FMN1: variants seen among roughly 807,000 people sequenced by gnomAD.
FMN1 encodes the protein formin 1.
In FMN1, 110 loss-of-function variants were observed where a neutral mutation model predicts 132.4. The ratio of observed to expected loss-of-function variants is 0.83; its 90% confidence interval spans 0.71 to 0.97. The LOEUF (loss-of-function observed/expected upper bound fraction) is 0.97. FMN1 is among the 50% of genes least tolerant of loss of function. The pLI is 0.00. For synonymous variants in FMN1, 722 were observed against 651.7 expected (o/e 1.11, Z -1.64); for missense variants, 1,792 against 1,705.3 (o/e 1.05, Z -0.90).
intron 16 of FMN1, among the ~76,000 whole-genome samples, chr15:32,878,325 G>A (rs1481928372): frequency 6.6e-6 from 1 of 152,214 alleles, no homozygotes; most frequent in African/African-American, 2.4e-5. Context: ...TGAGTATGAG[G>A]TTGGATTTGA....
chr15:32,816,253 A>G (rs2058055984), intron 17 of FMN1, among the ~76,000 whole-genome samples: 1 of 152,084 alleles, frequency 6.6e-6, no homozygotes, highest in Admixed American at 6.6e-5. Flanking sequence ...ATACCACAAA[A>G]CGTGCTTGCA....
At chr15:33,022,462 A>G (rs2035461033) in intron 6 of FMN1, among the ~76,000 whole-genome samples, 2 of 152,214 alleles carry the variant, frequency 1.3e-5, no homozygotes, top group African/African-American at 2.4e-5. Flanking sequence ...ATCAGAACAA[A>G]TAAGAGGAAC....
chr15:32,861,334 C>A (rs188807970), intron 16 of FMN1, among the ~76,000 whole-genome samples: 7 of 152,192 alleles, frequency 4.6e-5, no homozygotes, highest in African/African-American at 1.7e-4. Context: ...CAGGGTTGAT[C>A]GCTGCAGCTC....
intron 4 of FMN1, 132 bp downstream of exon 4, chr15:33,152,916 G>A: frequency 1.1e-6 from 1 of 891,390 alleles, no homozygotes; most frequent in Non-Finnish European, 1.6e-6. Flanking sequence ...CCGTTTTCTT[G>A]CTACAAAGTG....
At chr15:32,932,361 A>C (rs966883023) in intron 9 of FMN1, among the ~76,000 whole-genome samples, 1 of 152,210 alleles carries the variant, frequency 6.6e-6, no homozygotes, top group African/African-American at 2.4e-5. Context: ...ATATTGTGCC[A>C]CTGCACTCCA....
At position 33,036,023 on chromosome 15, in the gene FMN1, C is replaced by T. The variant is rs182338898; in HGVS notation, c.2162-27948G>A. Among the ~76,000 whole-genome samples, 3 of 152,298 alleles carry T rather than the reference C, an allele frequency of 2.0e-5. No homozygotes were observed. The East Asian group carries it at 5.8e-4, about 29-fold the overall frequency. The stretch of plus-strand genomic sequence containing the variant: ...CACCATACCCCACACCACCTCGGGA[C>T]TCCTCAGCAAGAAGGCTCTTACCAG... On this transcript the variant is annotated intron_variant, in intron 6 of 20. Coordinates refer to ENST00000616417, the MANE Select transcript of FMN1 (RefSeq NM_001277313.2).
At chr15:33,099,611 A>G (rs2039217594) in intron 4 of FMN1, among the ~76,000 whole-genome samples, 1 of 152,194 alleles carries the variant, frequency 6.6e-6, no homozygotes, top group South Asian at 2.1e-4. Context: ...TCTTTCCAGG[A>G]TGAATTGATA....
chr15:32,897,144 A>C (rs1165416320), intron 15 of FMN1, among the ~76,000 whole-genome samples: 4 of 152,116 alleles, frequency 2.6e-5, no homozygotes, highest in Admixed American at 2.6e-4. Context: ...ATGATGGGCT[A>C]TCTCACTGTG....
intron 9 of FMN1, among the ~76,000 whole-genome samples, chr15:32,952,325 T>C (rs1339584078): frequency 1.3e-5 from 2 of 152,224 alleles, no homozygotes; most frequent in African/African-American, 4.8e-5. Context: ...ATTTTTTCCA[T>C]TAGTAAGATG....
At chr15:32,987,644 C>G (rs1456317531) in intron 7 of FMN1, among the ~76,000 whole-genome samples, 2 of 152,134 alleles carry the variant, frequency 1.3e-5, no homozygotes. Flanking sequence ...ATAAAATACA[C>G]CCCCTTCTCA....
rs906120806 is a variant in FMN1 at position 32,838,758 on chromosome 15, C to T, written c.3928+18257G>A. 5.9e-5 allele frequency among the ~76,000 whole-genome samples: 9 copies of T among 152,304 alleles called. No individual in the cohort carries two copies. The East Asian group carries it at 7.7e-4, about 13-fold the overall frequency. On this transcript the variant is annotated intron_variant, in intron 17 of 20. Coordinates refer to ENST00000616417, the MANE Select transcript of FMN1 (RefSeq NM_001277313.2). ...GAGAAAAAAATCAAGGCAACAGAAT[C>T]CAAATTATTATTTTTTCTCCCAAAT...
At chr15:33,018,705 T>C (rs1300427199) in intron 6 of FMN1, among the ~76,000 whole-genome samples, 7 of 152,132 alleles carry the variant, frequency 4.6e-5, no homozygotes, top group African/African-American at 1.7e-4. Flanking sequence ...ACCCTTGCCA[T>C]GACTGTTACG....
At chr15:32,884,979 CA>C (rs397854394) in intron 16 of FMN1, among the ~76,000 whole-genome samples, 1 of 78,478 alleles carries the variant, frequency 1.3e-5, no homozygotes, top group Non-Finnish European at 2.5e-5. Context: ...AAGCTGCCCT[CA>C]CTAAGAAACT....
intron 16 of FMN1, among the ~76,000 whole-genome samples, chr15:32,870,087 G>A (rs2059480469): frequency 6.6e-6 from 1 of 152,202 alleles, no homozygotes; most frequent in Admixed American, 6.5e-5. Flanking sequence ...CCATGGAAGT[G>A]TTGTTTTCTT....
chr15:32,895,515 A>T (rs111259793), intron 15 of FMN1, among the ~76,000 whole-genome samples: 394 of 152,262 alleles, frequency 2.6e-3, no homozygotes, highest in Non-Finnish European at 4.5e-3. Flanking sequence ...TGCCCTTTAT[A>T]GGATGTATAA....
intron 13 of FMN1, 100 bp downstream of exon 13, chr15:32,901,811 A>G: frequency 1.1e-6 from 1 of 892,062 alleles, no homozygotes; most frequent in Non-Finnish European, 1.6e-6. Context: ...ATACAATCTG[A>G]GTCCAAAAAG....
At chr15:33,002,430 G>A (rs538519970) in intron 7 of FMN1, among the ~76,000 whole-genome samples, 2 of 152,316 alleles carry the variant, frequency 1.3e-5, no homozygotes, top group South Asian at 4.2e-4. Flanking sequence ...GATATTCAGT[G>A]AGTACTCACA....
chr15:33,132,074 T>C (rs1406651672), intron 4 of FMN1, among the ~76,000 whole-genome samples: 3 of 152,076 alleles, frequency 2.0e-5, no homozygotes, highest in African/African-American at 7.2e-5. Flanking sequence ...GGATCTAAAA[T>C]AACATCTTCC....
intron 9 of FMN1, among the ~76,000 whole-genome samples, chr15:32,934,553 T>A (rs993830030): frequency 1.3e-5 from 2 of 151,832 alleles, no homozygotes; most frequent in Non-Finnish European, 2.9e-5. Flanking sequence ...TTTATTTATC[T>A]ACGAACATCT....
Sources: gnomAD v4.1 joint callset for allele counts (sites outside exome capture counted in the v4.1 genomes callset) on GRCh38, gnomAD v4.1.1 for gene constraint, MANE v1.5 for transcripts, NCBI Gene and HGNC (gene_info 2026-07-23, HGNC 2026-07-21) for gene names.